The following CCSER1 variants were observed in gnomAD, a reference collection of about 807,000 sequenced individuals.
CCSER1 encodes the protein serine-rich coiled-coil domain-containing protein 1.
Under a neutral mutation model 82.0 loss-of-function variants are expected in CCSER1, and 41 were observed. That is an observed-to-expected ratio of 0.50 (90% CI 0.39 to 0.65). The LOEUF is 0.65. Among genes scored for constraint, CCSER1 ranks in the 30% least tolerant of loss-of-function variants. CCSER1 has a pLI of 0.00. For synonymous variants in CCSER1, 414 were observed against 383.9 expected, an observed-to-expected ratio of 1.08 and a Z score of -0.92; for missense variants, 1,119 against 1,064.2, an observed-to-expected ratio of 1.05 and a Z score of -0.72.
intron 7 of CCSER1, among the ~76,000 whole-genome samples, chr4:90,790,135 A>C (rs1434289507): frequency 6.6e-6 from 1 of 152,080 alleles, no homozygotes; most frequent in African/African-American, 2.4e-5. Context: ...TTAAATCTTA[A>C]TTATTTCTGT....
In CCSER1 at chr4:91,405,895, A is replaced by G. The variant is rs569617521; in HGVS notation, c.2218-192677A>G. 3.6e-4 allele frequency among the ~76,000 whole-genome samples: 55 copies of G among 152,242 alleles called. 1 individual carries two copies. In the South Asian group the frequency reaches 0.01, roughly 28 times the overall value. ...TTGCACCCACTGTCCAACAAGCCCC[A>G]GTGAGATGAACCTGGTACCTCAATT... On this transcript the variant is annotated intron_variant, in intron 10 of 10. Coordinates refer to ENST00000509176, the MANE Select transcript of CCSER1 (RefSeq NM_001145065.2).
chr4:91,116,348 G>A (rs1464903744), intron 10 of CCSER1, among the ~76,000 whole-genome samples: 1 of 152,176 alleles, frequency 6.6e-6, no homozygotes, highest in East Asian at 1.9e-4. Context: ...AACTCACAGT[G>A]TGCCGCTTGC....
intron 10 of CCSER1, among the ~76,000 whole-genome samples, chr4:91,529,796 C>T (rs1045784162): frequency 6.6e-6 from 1 of 152,018 alleles, no homozygotes; most frequent in African/African-American, 2.4e-5. Flanking sequence ...TATGTTCTCT[C>T]CTTTATTTCA....
chr4:90,736,209 T>C (rs1328911768), intron 7 of CCSER1, among the ~76,000 whole-genome samples: 1 of 152,126 alleles, frequency 6.6e-6, no homozygotes, highest in African/African-American at 2.4e-5. Context: ...TCTGTAAATA[T>C]CTGTTAGGTC....
intron 5 of CCSER1, among the ~76,000 whole-genome samples, chr4:90,507,541 AT>A (rs1770877965): frequency 6.6e-6 from 1 of 152,092 alleles, no homozygotes; most frequent in African/African-American, 2.4e-5. Context: ...TATATGTATC[AT>A]ATATAGAGGT....
At chr4:91,492,798 A>G (rs1758616875) in intron 10 of CCSER1, among the ~76,000 whole-genome samples, 1 of 152,006 alleles carries the variant, frequency 6.6e-6, no homozygotes, top group African/African-American at 2.4e-5. Context: ...GAACTTGGCC[A>G]TTTTCTGATG....
intron 8 of CCSER1, among the ~76,000 whole-genome samples, chr4:90,919,242 G>A (rs919270490): frequency 2.0e-5 from 3 of 151,822 alleles, no homozygotes; most frequent in African/African-American, 7.2e-5. Context: ...TTGAATATGT[G>A]ATGTGGAGGC....
chr4:91,182,654 C>A (rs975963959), intron 10 of CCSER1, among the ~76,000 whole-genome samples: 3 of 152,128 alleles, frequency 2.0e-5, no homozygotes, highest in African/African-American at 7.2e-5. Context: ...TAGCCTGGGG[C>A]ATTATCTGTT....
chr4:91,008,449 G>A (rs1450038924), intron 9 of CCSER1, among the ~76,000 whole-genome samples: 3 of 152,138 alleles, frequency 2.0e-5, no homozygotes, highest in Non-Finnish European at 4.4e-5. Flanking sequence ...TTATCATTAA[G>A]TAATATTCTT....
At chr4:91,390,569 C>G (rs540762091) in intron 10 of CCSER1, among the ~76,000 whole-genome samples, 1 of 151,302 alleles carries the variant, frequency 6.6e-6, no homozygotes, top group Non-Finnish European at 1.5e-5. Context: ...AATCAAGTAC[C>G]CTAGAACTTA....
chr4:90,548,643 A>G (rs899976921), intron 5 of CCSER1, among the ~76,000 whole-genome samples: 1 of 151,782 alleles, frequency 6.6e-6, no homozygotes, highest in African/African-American at 2.4e-5. Context: ...GGAAACTCCT[A>G]TTGGTATTTG....
intron 8 of CCSER1, among the ~76,000 whole-genome samples, chr4:90,817,387 C>T (rs1044023373): frequency 2.6e-4 from 40 of 151,918 alleles, no homozygotes; most frequent in African/African-American, 9.7e-4. Context: ...AGAAATTGGA[C>T]CTTCATTTGC....
chr4:91,115,313 C>T (rs1726452039), intron 10 of CCSER1, among the ~76,000 whole-genome samples: 1 of 152,148 alleles, frequency 6.6e-6, no homozygotes, highest in Middle Eastern at 3.4e-3. Flanking sequence ...AAAAGAACAT[C>T]AAATCTTTTT....
intron 7 of CCSER1, among the ~76,000 whole-genome samples, chr4:90,726,329 A>C (rs182088514): frequency 6.6e-6 from 1 of 151,996 alleles, no homozygotes; most frequent in African/African-American, 2.4e-5. Flanking sequence ...TTATTTTTAT[A>C]AAAAATAAAT....
intron 10 of CCSER1, among the ~76,000 whole-genome samples, chr4:91,305,669 G>A (rs1319569339): frequency 6.6e-6 from 1 of 152,020 alleles, no homozygotes; most frequent in African/African-American, 2.4e-5. Flanking sequence ...ATGTGTGTGT[G>A]TGTGTGTGCA....
At chr4:90,538,036 C>T (rs1028988028) in intron 5 of CCSER1, among the ~76,000 whole-genome samples, 1 of 152,016 alleles carries the variant, frequency 6.6e-6, no homozygotes, top group African/African-American at 2.4e-5. Context: ...AGGGATGGGA[C>T]CTTTTAAATT....
intron 5 of CCSER1, among the ~76,000 whole-genome samples, chr4:90,505,385 G>A (rs545249490): frequency 1.3e-5 from 2 of 151,868 alleles, no homozygotes; most frequent in African/African-American, 4.8e-5. Flanking sequence ...AATCAAAGCG[G>A]GGCAGGGAAA....
intron 7 of CCSER1, among the ~76,000 whole-genome samples, chr4:90,753,250 G>T (rs2149490875): frequency 6.6e-6 from 1 of 152,210 alleles, no homozygotes; most frequent in African/African-American, 2.4e-5. Flanking sequence ...TCTCTAAGCT[G>T]ATAAGCATCA....
At chr4:90,128,566 A>G (rs1722254751) in intron 1 of CCSER1, among the ~76,000 whole-genome samples, 1 of 152,140 alleles carries the variant, frequency 6.6e-6, no homozygotes, top group Non-Finnish European at 1.5e-5. Context: ...TCACCTGAGC[A>G]GAAAGTCAGC....
Sources: gnomAD v4.1 joint callset for allele counts (sites outside exome capture counted in the v4.1 genomes callset) on GRCh38, gnomAD v4.1.1 for gene constraint, MANE v1.5 for transcripts, NCBI Gene and HGNC (gene_info 2026-07-23, HGNC 2026-07-21) for gene names.